The following SLC9A9 variants were observed in gnomAD, a reference collection of about 807,000 sequenced individuals.
SLC9A9 encodes the protein sodium/hydrogen exchanger 9.
A neutral mutation model predicts 77.8 loss-of-function variants in SLC9A9; 62 were observed. The ratio of observed to expected loss-of-function variants is 0.80; its 90% CI spans 0.65 to 0.98. The LOEUF (loss-of-function observed/expected upper bound fraction) is 0.98. Among genes scored for constraint, SLC9A9 ranks in the 50% least tolerant of loss-of-function variants. The probability of loss-of-function intolerance (pLI) is 0.00; values close to 1 mark genes in which losing one functional copy is unlikely to be tolerated. For missense variants in SLC9A9, 775 were observed against 774.9 expected, an observed-to-expected ratio of 1.00 and a Z score of 0.00; for synonymous variants, 320 against 283.5, an observed-to-expected ratio of 1.13 and a Z score of -1.29.
At chr3:143,681,414 G>A (rs1326899898) in intron 5 of SLC9A9, among the ~76,000 whole-genome samples, 1 of 152,092 alleles carries the variant, frequency 6.6e-6, no homozygotes, top group Admixed American at 6.5e-5. Context: ...AACAGGTTAT[G>A]TTAATGGGTT....
rs2034899785 is a variant in SLC9A9 at position 143,448,918 on chromosome 3, ATATAT to A, written c.1469+18114_1469+18118del. Among the ~76,000 whole-genome samples the A allele has an allele frequency of 1.3e-4, 2 of 15,656 alleles. 1 individual carries two copies. Among genetic ancestry groups the A allele is most frequent in the African/African-American group, 2.1e-3 (2 of 938 alleles). The allele number at this position is 15,656 out of a possible 152,430, so 10.3% of individuals were successfully genotyped here. A position where few individuals can be genotyped will look rare whatever the true frequency, so the allele number is the denominator to read the frequency against. On this transcript the variant is annotated intron_variant, in intron 12 of 15. Coordinates refer to ENST00000316549, the MANE Select transcript of SLC9A9 (RefSeq NM_173653.4). ...TATAATATATAATATGATATATATT[ATATAT>A]TATAATATATAATATGATATATAAT... is the stretch of plus-strand genomic sequence containing the variant.
intron 12 of SLC9A9, among the ~76,000 whole-genome samples, chr3:143,442,647 G>A (rs1041229021): frequency 7.2e-5 from 11 of 152,178 alleles, no homozygotes; most frequent in Non-Finnish European, 1.5e-4. Context: ...GCTTGAACCC[G>A]GGAGGCAGAG....
At chr3:143,317,634 G>A (rs1358836000) in intron 14 of SLC9A9, among the ~76,000 whole-genome samples, 1 of 152,006 alleles carries the variant, frequency 6.6e-6, no homozygotes, top group Non-Finnish European at 1.5e-5. Context: ...AGAAAGCAGT[G>A]TCTGTCTACA....
At position 143,271,462 on chromosome 3, in the gene SLC9A9, G is replaced by A. The variant is rs1010701412; in HGVS notation, c.1605-2482C>T. Among the ~76,000 whole-genome samples the A allele has an allele frequency of 2.6e-5, 4 of 152,158 alleles. 1 individual carries two copies. The highest frequency in any genetic ancestry group is 2.6e-4 in the Admixed American group (4 of 15,274). On this transcript the variant is annotated intron_variant, in intron 14 of 15. Transcript: ENST00000316549. The stretch of plus-strand genomic sequence containing the variant: ...TAGAAATGGTTTTAAACCTTGATAT[G>A]CTATAAAAATGCTACTTACTTAAAA...
intron 14 of SLC9A9, among the ~76,000 whole-genome samples, chr3:143,307,737 T>C (rs140097699): frequency 0.026 from 3,951 of 152,274 alleles, 68 homozygotes; most frequent in South Asian, 0.04. Context: ...ACTTTCTTCC[T>C]GGATCAAGGT....
intron 8 of SLC9A9, among the ~76,000 whole-genome samples, chr3:143,556,463 C>A (rs760466945): frequency 5.3e-5 from 8 of 152,196 alleles, no homozygotes; most frequent in African/African-American, 1.2e-4. Flanking sequence ...GAAGGGCTTG[C>A]TTCTTCCTAT....
In SLC9A9 at chr3:143,779,060, C is replaced by T. The variant is rs768410490; in HGVS notation, c.533+15941G>A. Among the ~76,000 whole-genome samples, 175 of 152,210 alleles carry T rather than the reference C, an allele frequency of 1.1e-3. 1 individual carries two copies. Among genetic ancestry groups the T allele is most frequent in the Non-Finnish European group, 1.9e-3 (132 of 68,022 alleles). Reference sequence around the variant, plus strand: ...TTATAATAATTTCTGGATCTTGCTCCGGGATGTCTTATGGGGAAGCTTTGT... The same window carrying T: ...TTATAATAATTTCTGGATCTTGCTCTGGGATGTCTTATGGGGAAGCTTTGT... On this transcript the variant is annotated intron_variant, in intron 4 of 15. Coordinates refer to ENST00000316549, the MANE Select transcript of SLC9A9 (RefSeq NM_173653.4).
In SLC9A9 at chr3:143,519,713, G is replaced by A. The variant is rs143298415; in HGVS notation, c.1090-24265C>T. On this transcript the variant is annotated intron_variant, in intron 9 of 15. Coordinates refer to ENST00000316549, the MANE Select transcript of SLC9A9 (RefSeq NM_173653.4). ...GAAGATGTTAGTGGCCTGGACCAGC[G>A]TGGGGGCAATGGGGCGAGTGAGAAG... is the stretch of plus-strand genomic sequence containing the variant. Among the ~76,000 whole-genome samples the A allele has an allele frequency of 8.1e-4, 124 of 152,206 alleles. 1 individual carries two copies. In the East Asian group the frequency reaches 0.014, roughly 18 times the overall value.
intron 14 of SLC9A9, among the ~76,000 whole-genome samples, chr3:143,305,463 A>G (rs1443774357): frequency 6.6e-6 from 1 of 152,236 alleles, no homozygotes; most frequent in African/African-American, 2.4e-5. Context: ...AAGTGGTGGC[A>G]ACTAGGACTT....
At chr3:143,495,219 C>T (rs1332013901) in intron 10 of SLC9A9, 116 bp downstream of exon 10, 2 of 849,198 alleles carry the variant, frequency 2.4e-6, no homozygotes, top group African/African-American at 3.4e-5. Context: ...TGCCTTGTGT[C>T]TGAGCCTTGC....
chr3:143,606,436 C>CTCTCTCTA (rs1419410834), intron 6 of SLC9A9, among the ~76,000 whole-genome samples: 1,006 of 54,170 alleles, frequency 0.019, 18 homozygotes, highest in East Asian at 0.033. Context: ...CTCTCTCTCT[C>CTCTCTCTA]TATATATATA....
intron 9 of SLC9A9, among the ~76,000 whole-genome samples, chr3:143,551,419 C>G (rs2036881843): frequency 6.6e-6 from 1 of 152,218 alleles, no homozygotes; most frequent in Non-Finnish European, 1.5e-5. Flanking sequence ...CTTGCTTTAG[C>G]CTTGCCCCAT....
chr3:143,663,400 C>T (rs1033842809), intron 5 of SLC9A9, among the ~76,000 whole-genome samples: 1 of 152,342 alleles, frequency 6.6e-6, no homozygotes, highest in Admixed American at 6.5e-5. Context: ...AATCAGAGCA[C>T]CTCTTCTCCT....
intron 12 of SLC9A9, among the ~76,000 whole-genome samples, chr3:143,432,146 A>G (rs544274409): frequency 2.6e-5 from 4 of 152,356 alleles, no homozygotes; most frequent in African/African-American, 9.6e-5. Flanking sequence ...TCTCTTGCCA[A>G]AATGAAAACA....
At position 143,467,076 on chromosome 3, in the gene SLC9A9, C is replaced by G. The variant is rs2035291920; in HGVS notation, c.1430G>C (p.Gly477Ala). 3 of 1,613,892 alleles carry G rather than the reference C, an allele frequency of 1.9e-6. No individual in the cohort carries two copies. The highest frequency in any genetic ancestry group is 2.5e-6 in the Non-Finnish European group (3 of 1,179,988). Residue 477 changes from glycine to alanine, a missense_variant, in exon 12 of 16, where the codon GGA becomes GCA. Physicochemically the swap from Gly to Ala is moderately conservative, Grantham distance 60. Transcript: ENST00000316549. Reference protein sequence around the residue: ...LLVFFTVWVFGGGTTPMLTWL... With the variant: ...LLVFFTVWVFAGGTTPMLTWL... ...AGTCAACATGGGGGTTGTTCCTCCT[C>G]CAAATACCCAGACAGTGAAGAACAC...
At chr3:143,566,546 C>A (rs972754200) in intron 8 of SLC9A9, among the ~76,000 whole-genome samples, 1 of 152,022 alleles carries the variant, frequency 6.6e-6, no homozygotes, top group Non-Finnish European at 1.5e-5. Context: ...ATCAGGACTT[C>A]TTTTTCTTCA....
intron 5 of SLC9A9, among the ~76,000 whole-genome samples, chr3:143,660,815 C>T (rs981171287): frequency 3.3e-5 from 5 of 152,140 alleles, no homozygotes; most frequent in East Asian, 3.9e-4. Context: ...CCACCACTGA[C>T]AGGAAAGAAG....
chr3:143,823,659 AAAAAAATT>A (rs1198344748), intron 2 of SLC9A9, among the ~76,000 whole-genome samples: 5 of 151,966 alleles, frequency 3.3e-5, no homozygotes, highest in African/African-American at 4.8e-5. Context: ...AATAAAAAAT[AAAAAAATT>A]AAAAAATAAA....
At position 143,574,139 on chromosome 3, in the gene SLC9A9, A is replaced by G. The variant is rs374431849; in HGVS notation, c.949T>C (p.Phe317Leu). Reference sequence around the variant, plus strand: ...AGGAAGGCACTCCAAGAAAGCAGGAAAAACAGGCCGGTTTCCAGCATCGGG... The same window carrying G: ...AGGAAGGCACTCCAAGAAAGCAGGAGAAACAGGCCGGTTTCCAGCATCGGG... ...EFPMLETGLF[F>L]LLSWSAFLSA... The change falls in exon 8 of 16, where the codon TTC (phenylalanine) becomes CTC (leucine). Residue 317 changes from phenylalanine to leucine, a missense_variant. Phe to Leu is a conservative substitution (Grantham distance 22). Coordinates refer to ENST00000316549, the MANE Select transcript of SLC9A9 (RefSeq NM_173653.4). The G allele has an allele frequency of 6.2e-7, 1 of 1,613,534 alleles. No homozygotes were observed. The highest frequency in any genetic ancestry group is 1.3e-5 in the African/African-American group (1 of 74,906).
Sources: allele counts gnomAD v4.1 joint callset (sites outside exome capture counted in the v4.1 genomes callset), GRCh38; gene constraint gnomAD v4.1.1; transcripts MANE v1.5; gene names NCBI Gene and HGNC (gene_info 2026-07-23, HGNC 2026-07-21).